Variants in DYNC1I2 observed in about 807,000 individuals in gnomAD.
DYNC1I2 encodes the protein cytoplasmic dynein 1 intermediate chain 2.
Under a neutral mutation model 88.6 loss-of-function variants are expected in DYNC1I2, and 53 were observed. That is an observed-to-expected ratio of 0.60 (90% CI 0.48 to 0.75). The LOEUF (loss-of-function observed/expected upper bound fraction) is 0.75, where lower values mean the gene tolerates loss of function less well. Ranked by LOEUF, DYNC1I2 falls within the 30% of genes least tolerant of loss-of-function variation. The pLI, the probability that DYNC1I2 is intolerant of heterozygous loss-of-function variation, is 0.00. For missense variants in DYNC1I2, 458 were observed against 766.6 expected (o/e 0.60, Z 4.75); for synonymous variants, 198 against 254.6 (o/e 0.78, Z 2.12).
intron 7 of DYNC1I2, among the ~76,000 whole-genome samples, chr2:171,724,441 G>A (rs1233396059): frequency 2.0e-5 from 3 of 152,138 alleles, no homozygotes; most frequent in East Asian, 1.9e-4. Context: ...GCAGTGAAGC[G>A]GAAGAATGTT....
chr2:171,734,701 G>A (rs965932353), intron 15 of DYNC1I2, among the ~76,000 whole-genome samples: 1 of 152,194 alleles, frequency 6.6e-6, no homozygotes, highest in Admixed American at 6.5e-5. Context: ...GTTCTACTCT[G>A]TGAAGGGTAG....
intron 7 of DYNC1I2, among the ~76,000 whole-genome samples, chr2:171,725,062 A>G (rs1052149321): frequency 1.3e-5 from 2 of 152,192 alleles, no homozygotes; most frequent in African/African-American, 4.8e-5. Context: ...TTATCTTCAA[A>G]ATCTGCCTCT....
chr2:171,725,869 C>T (rs757116861), intron 8 of DYNC1I2, 50 bp from the exon 9 acceptor site: 27 of 1,482,904 alleles, frequency 1.8e-5, no homozygotes, highest in East Asian at 4.6e-5. Context: ...AGTGAGTTGA[C>T]GTGATTTGCC....
intron 12 of DYNC1I2, 145 bp downstream of exon 12, chr2:171,728,112 T>TG: frequency 9.2e-7 from 1 of 1,081,962 alleles, no homozygotes; most frequent in Non-Finnish European, 1.3e-6. Flanking sequence ...GAATGAAGGC[T>TG]ATTTTTTTTT....
intron 15 of DYNC1I2, among the ~76,000 whole-genome samples, chr2:171,743,804 CT>C (rs1689604985): frequency 6.6e-6 from 1 of 152,246 alleles, no homozygotes; most frequent in East Asian, 1.9e-4. Flanking sequence ...TGTTCTATTT[CT>C]TTTTTTAAAC....
intron 15 of DYNC1I2, among the ~76,000 whole-genome samples, chr2:171,734,213 G>A (rs1357485397): frequency 6.6e-6 from 1 of 152,036 alleles, no homozygotes; most frequent in Non-Finnish European, 1.5e-5. Flanking sequence ...GTGTCAGTTT[G>A]CCAGCATCCT....
intron 15 of DYNC1I2, among the ~76,000 whole-genome samples, chr2:171,733,416 A>G (rs538423267): frequency 3.5e-5 from 5 of 144,436 alleles, no homozygotes; most frequent in Admixed American, 1.4e-4. Flanking sequence ...ACTCCCACCA[A>G]CAGTGTAAAA....
chr2:171,709,134 TA>T (rs1278480500), intron 5 of DYNC1I2, among the ~76,000 whole-genome samples: 1 of 152,208 alleles, frequency 6.6e-6, no homozygotes, highest in African/African-American at 2.4e-5. Context: ...TTTGATATTA[TA>T]CATTATTTTT....
At chr2:171,743,775 G>A (rs1175239448) in intron 15 of DYNC1I2, among the ~76,000 whole-genome samples, 4 of 152,174 alleles carry the variant, frequency 2.6e-5, no homozygotes, top group Non-Finnish European at 5.9e-5. Flanking sequence ...TCTTCTCATT[G>A]ACAGATGTTC....
chr2:171,747,724 T>G, intron 17 of DYNC1I2, 52 bp from the exon 18 acceptor site: 1 of 1,303,578 alleles, frequency 7.7e-7, no homozygotes, highest in Middle Eastern at 1.9e-4. Context: ...TAATAGTGGG[T>G]AAAATGATCT....
At chr2:171,735,165 A>G (rs1340350905) in intron 15 of DYNC1I2, among the ~76,000 whole-genome samples, 1 of 152,176 alleles carries the variant, frequency 6.6e-6, no homozygotes, top group East Asian at 1.9e-4. Flanking sequence ...CTCTCTTTCT[A>G]TGATAAAAAT....
rs138316925 is a variant in DYNC1I2, at chr2:171,689,686, A to G, written c.-9-461A>G. 4.9e-3 allele frequency among the ~76,000 whole-genome samples: 748 copies of G among 151,944 alleles called. 5 individuals are homozygous for G. The highest frequency in any genetic ancestry group is 0.017 in the African/African-American group (704 of 41,494). The stretch of plus-strand genomic sequence containing the variant: ...TTTGTTTATACATTTTTTAAGTCTT[A>G]GTAATAATATATATGCTTCCTTTAT... On this transcript the variant is annotated intron_variant, in intron 1 of 17. Transcript: ENST00000397119.
intron 17 of DYNC1I2, among the ~76,000 whole-genome samples, chr2:171,746,479 T>C (rs1257362323): frequency 6.6e-6 from 1 of 152,144 alleles, no homozygotes; most frequent in Non-Finnish European, 1.5e-5. Context: ...TCCTCTTTTT[T>C]AACCCTGGCT....
intron 3 of DYNC1I2, among the ~76,000 whole-genome samples, chr2:171,699,597 T>A (rs1686057762): frequency 2.1e-5 from 3 of 140,470 alleles, no homozygotes; most frequent in South Asian, 4.7e-4. Flanking sequence ...TTGGAGTGTG[T>A]GTGTGTGTGT....
chr2:171,746,294 C>T (rs1689775696), intron 17 of DYNC1I2, among the ~76,000 whole-genome samples: 1 of 152,028 alleles, frequency 6.6e-6, no homozygotes, highest in African/African-American at 2.4e-5. Context: ...TAATTTGGGC[C>T]AGGTAGTAGA....
At chr2:171,733,459 C>CTTTTTTTATTTT (rs1688765802) in intron 15 of DYNC1I2, among the ~76,000 whole-genome samples, 1 of 55,772 alleles carries the variant, frequency 1.8e-5, no homozygotes, top group Non-Finnish European at 3.2e-5. Context: ...TTGCCAGCAT[C>CTTTTTTTATTTT]TTTTTTTTTT....
chr2:171,709,874 C>T (rs1242936329), intron 5 of DYNC1I2, among the ~76,000 whole-genome samples: 8 of 152,046 alleles, frequency 5.3e-5, no homozygotes, highest in Non-Finnish European at 1.0e-4. Context: ...TGCACAACCG[C>T]GCCCAGCTAA....
chr2:171,701,308 T>C (rs1427250634), intron 3 of DYNC1I2, among the ~76,000 whole-genome samples: 1 of 152,176 alleles, frequency 6.6e-6, no homozygotes, highest in East Asian at 1.9e-4. Context: ...TAGCTGGGAT[T>C]ACAGACATCT....
At chr2:171,743,431 A>C (rs1044852592) in intron 15 of DYNC1I2, among the ~76,000 whole-genome samples, 14 of 152,168 alleles carry the variant, frequency 9.2e-5, no homozygotes, top group Non-Finnish European at 1.6e-4. Flanking sequence ...GAATTGTGCC[A>C]AACTGCCCCC....
Sources: gnomAD v4.1 joint callset for allele counts (sites outside exome capture counted in the v4.1 genomes callset) on GRCh38, gnomAD v4.1.1 for gene constraint, MANE v1.5 for transcripts, NCBI Gene and HGNC (gene_info 2026-07-23, HGNC 2026-07-21) for gene names.